ADGRE3: variants seen among roughly 807,000 people sequenced by gnomAD.
ADGRE3 encodes EGF-like module receptor 3.
Under a neutral mutation model 80.1 loss-of-function variants are expected in ADGRE3, and 88 were observed. That is an observed-to-expected ratio of 1.10 (90% CI 0.93 to 1.31). ADGRE3 has a LOEUF of 1.31. ADGRE3 is among the 40% of genes most tolerant of loss of function. The pLI, the probability that ADGRE3 is intolerant of heterozygous loss-of-function variation, is 0.00. For missense variants in ADGRE3, 715 were observed against 776.5 expected (o/e 0.92, Z 0.94); for synonymous variants, 281 against 294.8 (o/e 0.95, Z 0.48).
Position 14,638,195 on chromosome 19 carries a change from C to T in ADGRE3, c.1394G>A (p.Trp465Ter), listed in dbSNP as rs768366871. Residue 465 changes from tryptophan (W) to a stop codon, truncating the protein, a stop_gained, in exon 11 of 16, where the codon TGG becomes TAG. Coordinates refer to ENST00000253673, the MANE Select transcript of ADGRE3 (RefSeq NM_032571.5). LOFTEE classifies it high-confidence loss of function. ...GCCATAGCCGACTGGGAACATGATC[C>T]ACTTCATGAGTCTATTGATGCTTGA... ...NYSSINRLMKWIMFPVGYGVP... is the reference protein window; with the variant it reads ...NYSSINRLMK 7 of 1,613,962 alleles carry T rather than the reference C, an allele frequency of 4.3e-6. No homozygotes were observed. Among genetic ancestry groups the T allele is most frequent in the Middle Eastern group, 1.6e-4 (1 of 6,084 alleles).
chr19:14,642,640 G>A (rs1309856897), intron 9 of ADGRE3, among the ~76,000 whole-genome samples: 3 of 152,026 alleles, frequency 2.0e-5, no homozygotes, highest in Non-Finnish European at 4.4e-5. Context: ...GTCTCCTCAT[G>A]TAGCTCCCAC....
chr19:14,655,679 C>T (rs1170528338), intron 5 of ADGRE3, among the ~76,000 whole-genome samples: 1 of 151,362 alleles, frequency 6.6e-6, no homozygotes, highest in Non-Finnish European at 1.5e-5. Flanking sequence ...CCAGGCTGGT[C>T]TGGAACTCCT....
intron 2 of ADGRE3, among the ~76,000 whole-genome samples, chr19:14,667,344 G>GTT (rs141442018): frequency 5.3e-4 from 74 of 139,616 alleles, no homozygotes; most frequent in African/African-American, 1.7e-3. Flanking sequence ...CTTCTTTTCT[G>GTT]TTTTTTTTTT....
chr19:14,617,348 T>TTCTCTTCTTTCTTTCTTTCTTTC (rs1271895756), downstream of ADGRE3, among the ~76,000 whole-genome samples: 2 of 48,770 alleles, frequency 4.1e-5, no homozygotes, highest in African/African-American at 1.4e-4. Flanking sequence ...CTCCCTTTCT[T>TTCTCTTCTTTCTTTCTTTCTTTC]TCTTTCTTTC....
At chr19:14,644,013 T>C (rs1971326635) in intron 9 of ADGRE3, 95 bp downstream of exon 9, 1 of 817,106 alleles carries the variant, frequency 1.2e-6, no homozygotes, top group Non-Finnish European at 1.6e-6. Flanking sequence ...GCTCGGCCTT[T>C]TTTCAGTTTT....
chr19:14,632,138 CAG>C (rs1599610403), intron 13 of ADGRE3, among the ~76,000 whole-genome samples: 2 of 152,212 alleles, frequency 1.3e-5, no homozygotes, highest in East Asian at 3.9e-4. Flanking sequence ...GGTATATGTA[CAG>C]AGAGTTTAAT....
chr19:14,600,795 C>T, the ADGRE3 span, among the ~76,000 whole-genome samples: 480 of 151,160 alleles, frequency 3.2e-3, no homozygotes, highest in Admixed American at 6.7e-3. Flanking sequence ...CTGTGTTAGC[C>T]AGGATGGATG....
intron 7 of ADGRE3, 71 bp downstream of exon 7, chr19:14,651,014 C>T: frequency 6.4e-7 from 1 of 1,568,752 alleles, no homozygotes; most frequent in South Asian, 1.1e-5. Flanking sequence ...GCCCAGTGGG[C>T]TTGTTTCCCC....
the ADGRE3 span, among the ~76,000 whole-genome samples, chr19:14,612,519 G>A: frequency 6.6e-6 from 1 of 151,942 alleles, no homozygotes; most frequent in South Asian, 2.1e-4. Context: ...ATTTTTTGTA[G>A]CAACGGGGTT....
At chr19:14,644,042 C>G in intron 9 of ADGRE3, 66 bp downstream of exon 9, 1 of 943,376 alleles carries the variant, frequency 1.1e-6, no homozygotes, top group South Asian at 3.9e-5. Flanking sequence ...TTTTTAATAG[C>G]ACTTATTACC....
intron 15 of ADGRE3, among the ~76,000 whole-genome samples, chr19:14,619,736 C>T (rs1970480892): frequency 6.6e-6 from 1 of 152,114 alleles, no homozygotes; most frequent in African/African-American, 2.4e-5. Flanking sequence ...ATTTCAGCCC[C>T]CTGGATGTTT....
the ADGRE3 span, among the ~76,000 whole-genome samples, chr19:14,602,741 G>GT: frequency 4.4e-3 from 640 of 144,816 alleles, 1 homozygote; most frequent in African/African-American, 9.0e-3. Context: ...TAGTTAAACA[G>GT]TTTTTTTTTT....
intron 7 of ADGRE3, among the ~76,000 whole-genome samples, chr19:14,650,344 CT>C (rs1971555836): frequency 1.3e-5 from 2 of 150,256 alleles, no homozygotes; most frequent in Admixed American, 6.7e-5. Flanking sequence ...CTTTCCCTAT[CT>C]TTTTCCATCT....
intron 10 of ADGRE3, 141 bp downstream of exon 10, chr19:14,641,278 T>A (rs1208968265): frequency 9.9e-7 from 1 of 1,013,704 alleles, no homozygotes; most frequent in East Asian, 2.6e-5. Flanking sequence ...CCAGCTACGA[T>A]CTCAGAAGGG....
At chr19:14,673,089 T>C (rs1444817084) in intron 1 of ADGRE3, among the ~76,000 whole-genome samples, 2 of 152,150 alleles carry the variant, frequency 1.3e-5, no homozygotes, top group Non-Finnish European at 2.9e-5. Flanking sequence ...ATTCCACATA[T>C]ACTGAAACAC....
chr19:14,643,903 T>G (rs1971324353), intron 9 of ADGRE3, among the ~76,000 whole-genome samples: 1 of 151,776 alleles, frequency 6.6e-6, no homozygotes, highest in Admixed American at 6.6e-5. Flanking sequence ...CAGAGATGGG[T>G]TTTTGCCATG....
chr19:14,609,239 A>G, the ADGRE3 span, among the ~76,000 whole-genome samples: 1 of 152,082 alleles, frequency 6.6e-6, no homozygotes, highest in Non-Finnish European at 1.5e-5. Context: ...AGAAGCCTGG[A>G]CCCCTTGTGA....
At chr19:14,645,781 C>T (rs1054937732) in intron 8 of ADGRE3, among the ~76,000 whole-genome samples, 4 of 151,980 alleles carry the variant, frequency 2.6e-5, no homozygotes, top group Admixed American at 6.6e-5. Flanking sequence ...AGACCAGCCT[C>T]GACAACATTA....
rs1971599498 is a variant in ADGRE3, at chr19:14,651,210, A to G, written c.578-6T>C. The G allele has an allele frequency of 1.9e-6, 3 of 1,614,062 alleles. No individual in the cohort carries two copies. Among genetic ancestry groups the G allele is most frequent in the Non-Finnish European group, 2.5e-6 (3 of 1,179,942 alleles). ...AATCGCTTGAGTTTCAATAGCTGGT[A>G]AGAAAAGCAATGGGCAGGCTTAGTG... On this transcript the variant is annotated splice_polypyrimidine_tract_variant and splice_region_variant and intron_variant, in intron 6 of 15. Transcript: ENST00000253673.
Sources: allele counts gnomAD v4.1 joint callset (sites outside exome capture counted in the v4.1 genomes callset), GRCh38; gene constraint gnomAD v4.1.1; transcripts MANE v1.5; gene names NCBI Gene and HGNC (gene_info 2026-07-23, HGNC 2026-07-21).